The following PRPSAP2 variants were observed in gnomAD, a reference collection of about 807,000 sequenced individuals.
PRPSAP2 encodes phosphoribosyl pyrophosphate synthase-associated protein 2.
A neutral mutation model predicts 40.6 loss-of-function variants in PRPSAP2; 24 were observed. That is an observed-to-expected ratio of 0.59 (90% CI 0.43 to 0.83). The LOEUF (loss-of-function observed/expected upper bound fraction) is 0.83, where lower values mean the gene tolerates loss of function less well. Ranked by LOEUF, PRPSAP2 falls within the 40% of genes least tolerant of loss-of-function variation. PRPSAP2 has a pLI of 0.00. For missense variants in PRPSAP2, 292 were observed against 465.6 expected, an observed-to-expected ratio of 0.63 and a Z score of 3.43; for synonymous variants, 149 against 164.7, an observed-to-expected ratio of 0.90 and a Z score of 0.73.
At chr17:18,925,259 C>CCTA (rs1051848686) in intron 10 of PRPSAP2, among the ~76,000 whole-genome samples, 68 of 152,138 alleles carry the variant, frequency 4.5e-4, no homozygotes, top group African/African-American at 1.6e-3. Context: ...ACACTGGGTA[C>CCTA]CCGCTAGCTC....
chr17:18,884,417 C>T (rs1006046914), intron 7 of PRPSAP2, among the ~76,000 whole-genome samples: 6 of 152,072 alleles, frequency 3.9e-5, no homozygotes, highest in African/African-American at 9.7e-5. Context: ...TAGCTCACTG[C>T]AACCTTGAAC....
intron 1 of PRPSAP2, among the ~76,000 whole-genome samples, chr17:18,863,831 C>CTTTTTTTTTTTTTTTT (rs34770102): frequency 1.2e-5 from 1 of 86,052 alleles, no homozygotes; most frequent in African/African-American, 5.0e-5. Flanking sequence ...ACTGCGTGGC[C>CTTTTTTTTTTTTTTTT]TTTTTTTTTT....
At chr17:18,894,269 C>T (rs2039770816) in intron 8 of PRPSAP2, among the ~76,000 whole-genome samples, 1 of 151,880 alleles carries the variant, frequency 6.6e-6, no homozygotes, top group South Asian at 2.1e-4. Flanking sequence ...AAGTGATTCT[C>T]CTGCCTCAGT....
At position 18,931,038 on chromosome 17, in the gene PRPSAP2, A is replaced by C. The variant is rs2042225516; in HGVS notation, c.*340A>C. 5.8e-6 allele frequency: 1 copy of C among 172,892 alleles called. No individual in the cohort carries two copies. Among genetic ancestry groups the C allele is most frequent in the African/African-American group, 2.4e-5 (1 of 42,274 alleles). 10.7% of individuals were successfully genotyped at this position (172,892 alleles called of 1,614,324 possible). ...TGAGCCAAGTGCTTAAAAAGTTAAT[A>C]AAATAAAATGATCTGTATGATACCT... On this transcript the variant is annotated 3_prime_UTR_variant, in exon 12 of 12. Transcript: ENST00000268835.
At chr17:18,872,371 C>T (rs1000596620) in intron 4 of PRPSAP2, among the ~76,000 whole-genome samples, 1 of 151,764 alleles carries the variant, frequency 6.6e-6, no homozygotes, top group Non-Finnish European at 1.5e-5. Flanking sequence ...TATTTCAAGT[C>T]AGAAATGTAA....
At chr17:18,916,109 C>T (rs936183029) in intron 9 of PRPSAP2, among the ~76,000 whole-genome samples, 7 of 152,048 alleles carry the variant, frequency 4.6e-5, no homozygotes, top group African/African-American at 9.7e-5. Context: ...TGAGCCACTG[C>T]GCCTGGCCCA....
chr17:18,903,524 AG>A (rs2040409373), intron 8 of PRPSAP2, among the ~76,000 whole-genome samples: 1 of 152,182 alleles, frequency 6.6e-6, no homozygotes, highest in South Asian at 2.1e-4. Context: ...ATTTGAGTCC[AG>A]GAGTTCAAGA....
chr17:18,925,396 T>G (rs906193301), intron 10 of PRPSAP2, among the ~76,000 whole-genome samples: 1 of 152,266 alleles, frequency 6.6e-6, no homozygotes, highest in Non-Finnish European at 1.5e-5. Flanking sequence ...CCATGAGGGC[T>G]TGTGGCCTTA....
At chr17:18,900,776 C>T (rs752310909) in intron 8 of PRPSAP2, among the ~76,000 whole-genome samples, 1 of 152,114 alleles carries the variant, frequency 6.6e-6, no homozygotes, top group East Asian at 1.9e-4. Flanking sequence ...CCATGTCCTC[C>T]GCTGACGCCA....
chr17:18,875,880 C>T (rs963418616), intron 5 of PRPSAP2, among the ~76,000 whole-genome samples: 3 of 150,594 alleles, frequency 2.0e-5, no homozygotes, highest in Non-Finnish European at 3.0e-5. Context: ...AGCCTGTAAT[C>T]CCACCACTTT....
chr17:18,877,375 T>C (rs1465325838), intron 5 of PRPSAP2, among the ~76,000 whole-genome samples: 1 of 152,126 alleles, frequency 6.6e-6, no homozygotes, highest in Non-Finnish European at 1.5e-5. Flanking sequence ...GTGTGCCATT[T>C]GGAGGGATTA....
intron 9 of PRPSAP2, among the ~76,000 whole-genome samples, chr17:18,919,089 G>C (rs946980356): frequency 2.0e-5 from 3 of 152,192 alleles, no homozygotes; most frequent in Non-Finnish European, 4.4e-5. Context: ...AGGGAGGCCA[G>C]GTACTTTGGC....
intron 8 of PRPSAP2, among the ~76,000 whole-genome samples, chr17:18,901,004 C>A (rs991334517): frequency 3.9e-5 from 6 of 152,080 alleles, no homozygotes; most frequent in Non-Finnish European, 8.8e-5. Context: ...GTGAAACCAC[C>A]CCATTGGGTT....
intron 8 of PRPSAP2, among the ~76,000 whole-genome samples, chr17:18,893,495 C>G (rs570057094): frequency 2.2e-4 from 34 of 151,986 alleles, no homozygotes; most frequent in African/African-American, 7.5e-4. Flanking sequence ...TGGCTCACTT[C>G]TGTAATCTCA....
chr17:18,925,727 A>AGTG (rs1470246128), intron 10 of PRPSAP2, among the ~76,000 whole-genome samples: 1 of 152,150 alleles, frequency 6.6e-6, no homozygotes, highest in Non-Finnish European at 1.5e-5. Context: ...TTGTTTCCAA[A>AGTG]GTGGTCACAC....
chr17:18,930,656 G>A lies in PRPSAP2; in HGVS notation c.1068G>A (p.Glu356=), dbSNP rs1462675655. 22 of 1,613,502 alleles carry A rather than the reference G, an allele frequency of 1.4e-5. No homozygotes were observed. Among genetic ancestry groups the A allele is most frequent in the Non-Finnish European group, 1.9e-5 (22 of 1,179,698 alleles). ...CGATCCGTCGGATCCACAATGGGGA[G>A]TCCATGTCCTACCTTTTCAGAAACA... ...SEAIRRIHNG[E]SMSYLFRNIG... Residue 356 remains glutamate (E), a synonymous_variant, in exon 12 of 12, where the codon GAG becomes GAA. Transcript: ENST00000268835.
intron 8 of PRPSAP2, among the ~76,000 whole-genome samples, chr17:18,900,671 T>C (rs1433222473): frequency 6.6e-6 from 1 of 152,100 alleles, no homozygotes; most frequent in African/African-American, 2.4e-5. Context: ...TGGGGCTCGT[T>C]TCTGCTAGGT....
intron 8 of PRPSAP2, among the ~76,000 whole-genome samples, chr17:18,897,903 G>A (rs554545541): frequency 3.3e-5 from 5 of 150,146 alleles, no homozygotes; most frequent in Non-Finnish European, 7.4e-5. Context: ...ACCTCTCTGT[G>A]TCTCTTTACT....
intron 8 of PRPSAP2, among the ~76,000 whole-genome samples, chr17:18,906,516 G>A (rs947285766): frequency 6.7e-6 from 1 of 148,622 alleles, no homozygotes; most frequent in Non-Finnish European, 1.5e-5. Flanking sequence ...GCCTGGGCCA[G>A]CTAATTTTTT....
Sources: gnomAD v4.1 joint callset for allele counts (sites outside exome capture counted in the v4.1 genomes callset) on GRCh38, gnomAD v4.1.1 for gene constraint, MANE v1.5 for transcripts, NCBI Gene and HGNC (gene_info 2026-07-23, HGNC 2026-07-21) for gene names.